The following PPM1L variants were observed in gnomAD, a reference collection of about 807,000 sequenced individuals.
PPM1L encodes the protein protein phosphatase, Mg2+/Mn2+ dependent 1L.
Under a neutral mutation model 31.4 loss-of-function variants are expected in PPM1L, and 13 were observed. That is an observed-to-expected ratio of 0.41 (90% CI 0.27 to 0.66). The LOEUF (loss-of-function observed/expected upper bound fraction) is 0.66, where lower values mean the gene tolerates loss of function less well. Ranked by LOEUF, PPM1L falls within the 30% of genes least tolerant of loss-of-function variation. PPM1L has a pLI of 0.29. For synonymous variants in PPM1L, 184 were observed against 175.4 expected, an observed-to-expected ratio of 1.05 and a Z score of -0.39; for missense variants, 326 against 453.7, an observed-to-expected ratio of 0.72 and a Z score of 2.56.
At chr3:161,009,233 A>C (rs1717809429) in intron 2 of PPM1L, among the ~76,000 whole-genome samples, 1 of 152,176 alleles carries the variant, frequency 6.6e-6, no homozygotes, top group South Asian at 2.1e-4. Context: ...AGCTGTGTTG[A>C]TCCTGGATCA....
chr3:160,928,751 T>C (rs1714684028), intron 1 of PPM1L, among the ~76,000 whole-genome samples: 1 of 152,064 alleles, frequency 6.6e-6, no homozygotes, highest in Non-Finnish European at 1.5e-5. Flanking sequence ...TTGTCCCTCT[T>C]TCTCTCCTAC....
intron 2 of PPM1L, among the ~76,000 whole-genome samples, chr3:161,056,917 C>T (rs576808571): frequency 4.3e-4 from 65 of 151,992 alleles, no homozygotes; most frequent in African/African-American, 1.5e-3. Context: ...CAAAAATTAG[C>T]CTGGGCATGG....
At chr3:160,980,023 A>T (rs892037182) in intron 2 of PPM1L, among the ~76,000 whole-genome samples, 11 of 151,958 alleles carry the variant, frequency 7.2e-5, no homozygotes, top group African/African-American at 2.7e-4. Flanking sequence ...TAGCCTTTCT[A>T]CCCTGGGCCA....
chr3:160,914,670 T>G (rs928245844), intron 1 of PPM1L, among the ~76,000 whole-genome samples: 3 of 152,200 alleles, frequency 2.0e-5, no homozygotes, highest in Non-Finnish European at 4.4e-5. Context: ...GTGCCACATT[T>G]TCTTGATCCA....
intron 2 of PPM1L, among the ~76,000 whole-genome samples, chr3:161,030,030 C>T (rs1576793626): frequency 6.6e-6 from 1 of 152,150 alleles, no homozygotes; most frequent in Admixed American, 6.5e-5. Context: ...CTGCAGATAC[C>T]GTGGGAGTAG....
chr3:160,974,869 T>G (rs1160433173), intron 2 of PPM1L, among the ~76,000 whole-genome samples: 3 of 147,760 alleles, frequency 2.0e-5, no homozygotes, highest in Admixed American at 6.7e-5. Context: ...AGAAGCTCTT[T>G]AGTTTAATTA....
In PPM1L at chr3:161,072,760, C is replaced by CG. The variant is rs1484615838; in HGVS notation, c.*3603_*3604insG. 1.3e-5 allele frequency: 2 copies of CG among 152,138 alleles called. No individual in the cohort carries two copies. Among genetic ancestry groups the CG allele is most frequent in the African/African-American group, 2.4e-5 (1 of 41,426 alleles). 9.4% of individuals were successfully genotyped at this position (152,138 alleles called of 1,614,324 possible). A position where few individuals can be genotyped will look rare whatever the true frequency, so the allele number is the denominator to read the frequency against. On this transcript the variant is annotated 3_prime_UTR_variant, in exon 4 of 4. Coordinates refer to ENST00000498165, the MANE Select transcript of PPM1L (RefSeq NM_139245.4). ...AGTTGTTGCCAGATCTCTCTTGCAA[C>CG]TGTGTCAATGAAAGGTCTGTGTTTA... is the stretch of plus-strand genomic sequence containing the variant.
At chr3:160,817,397 T>C (rs1242766438) in intron 1 of PPM1L, among the ~76,000 whole-genome samples, 1 of 151,994 alleles carries the variant, frequency 6.6e-6, no homozygotes, top group Non-Finnish European at 1.5e-5. Context: ...AAGTGTGAAC[T>C]AGAGCAGTGG....
At chr3:160,931,603 TTAGTTTGGTATG>T (rs1218288851) in intron 1 of PPM1L, among the ~76,000 whole-genome samples, 5 of 152,178 alleles carry the variant, frequency 3.3e-5, no homozygotes, top group African/African-American at 1.2e-4. Flanking sequence ...ATCTCCTAAC[TTAGTTTGGTATG>T]TGTGGGGAAG....
At chr3:160,905,166 C>T (rs915926850) in intron 1 of PPM1L, among the ~76,000 whole-genome samples, 3 of 152,098 alleles carry the variant, frequency 2.0e-5, no homozygotes, top group Admixed American at 1.3e-4. Flanking sequence ...GCTAATCCAA[C>T]CTCATATATC....
chr3:160,889,233 A>T (rs1454628577), intron 1 of PPM1L, among the ~76,000 whole-genome samples: 1 of 152,184 alleles, frequency 6.6e-6, no homozygotes, highest in Non-Finnish European at 1.5e-5. Context: ...TTTTGAAAAA[A>T]TTAATAAAAT....
intron 1 of PPM1L, among the ~76,000 whole-genome samples, chr3:160,861,292 C>G (rs1010769206): frequency 2.4e-4 from 36 of 152,094 alleles, no homozygotes; most frequent in African/African-American, 8.5e-4. Flanking sequence ...AGTGTAATGT[C>G]CTACTGTTGC....
intron 1 of PPM1L, among the ~76,000 whole-genome samples, chr3:160,918,141 A>T (rs527325247): frequency 1.3e-5 from 2 of 152,158 alleles, no homozygotes; most frequent in Non-Finnish European, 2.9e-5. Flanking sequence ...CTTTGCTTAT[A>T]ATATCATGGC....
intron 1 of PPM1L, among the ~76,000 whole-genome samples, chr3:160,835,762 A>G (rs1454810692): frequency 6.6e-6 from 1 of 152,172 alleles, no homozygotes; most frequent in Non-Finnish European, 1.5e-5. Context: ...TTAGCAGCAT[A>G]TTATCATGGA....
At chr3:160,812,494 G>A (rs948430696) in intron 1 of PPM1L, among the ~76,000 whole-genome samples, 4 of 152,218 alleles carry the variant, frequency 2.6e-5, no homozygotes, top group Non-Finnish European at 1.5e-5. Flanking sequence ...AATTGCGGGT[G>A]TGATTTCAGA....
intron 2 of PPM1L, among the ~76,000 whole-genome samples, chr3:161,021,925 G>A (rs1056476922): frequency 6.6e-6 from 1 of 151,888 alleles, no homozygotes; most frequent in African/African-American, 2.4e-5. Flanking sequence ...AAAGCACATA[G>A]TTGGATAAGA....
intron 1 of PPM1L, among the ~76,000 whole-genome samples, chr3:160,780,411 TTTCAC>T (rs1448773680): frequency 6.6e-6 from 1 of 152,226 alleles, no homozygotes; most frequent in African/African-American, 2.4e-5. Context: ...GTGGTCATTC[TTTCAC>T]TTCCTACTTG....
intron 1 of PPM1L, among the ~76,000 whole-genome samples, chr3:160,886,190 G>A (rs1054256556): frequency 6.6e-6 from 1 of 152,196 alleles, no homozygotes; most frequent in Non-Finnish European, 1.5e-5. Flanking sequence ...GAGGCTCAGG[G>A]ACAGAACACG....
rs1471734670 is a variant in PPM1L at position 161,075,595 on chromosome 3, A to C, written c.*6438A>C. 6.6e-6 allele frequency: 1 copy of C among 152,246 alleles called. No individual in the cohort carries two copies. Among genetic ancestry groups the C allele is most frequent in the African/African-American group, 2.4e-5 (1 of 41,474 alleles). The allele number at this position is 152,246 out of a possible 1,614,324, so 9.4% of individuals were successfully genotyped here. ...GGAACACTTTTTAATAAAAAATTGT[A>C]AAATCAGTTTCCAGTGTGGTCAAAA... On this transcript the variant is annotated 3_prime_UTR_variant, in exon 4 of 4. Coordinates refer to ENST00000498165, the MANE Select transcript of PPM1L (RefSeq NM_139245.4).
Sources: allele counts gnomAD v4.1 joint callset (sites outside exome capture counted in the v4.1 genomes callset), GRCh38; gene constraint gnomAD v4.1.1; transcripts MANE v1.5; gene names NCBI Gene and HGNC (gene_info 2026-07-23, HGNC 2026-07-21).